The following ZFP69 variants were observed in gnomAD, a reference collection of about 807,000 sequenced individuals.
The protein encoded by ZFP69 is ZFP69 zinc finger protein.
A neutral mutation model predicts 48.9 loss-of-function variants in ZFP69; 35 were observed. That is an observed-to-expected ratio of 0.72 (90% CI 0.55 to 0.95). The LOEUF (loss-of-function observed/expected upper bound fraction) is 0.95. Ranked by LOEUF, ZFP69 falls within the 40% of genes least tolerant of loss-of-function variation. The pLI is 0.00. For synonymous variants in ZFP69, 193 were observed against 216.8 expected (o/e 0.89, Z 0.96); for missense variants, 557 against 638.4 (o/e 0.87, Z 1.37).
At chr1:40,489,719 A>AT in intron 5 of ZFP69, 95 bp downstream of exon 5, 1 of 865,938 alleles carries the variant, frequency 1.2e-6, no homozygotes, top group Non-Finnish European at 1.8e-6. Context: ...TTGGCTAATG[A>AT]TTCTGCAGGC....
At position 40,495,803 on chromosome 1, in the gene ZFP69, A is replaced by C; in HGVS notation, c.1325A>C (p.Lys442Thr). The change falls in exon 6 of 6, where the codon AAA becomes ACA. Residue 442 changes from lysine (K) to threonine (T), a missense_variant. Coordinates refer to ENST00000372706, the MANE Select transcript of ZFP69 (RefSeq NM_001320179.2). ...IHTGERPYKC[K>T]ECGKAFRQRI... Reference sequence around the variant, plus strand: ...ACTGGGGAGAGACCCTACAAATGTAAAGAATGTGGAAAAGCCTTTAGGCAG... The same window carrying C: ...ACTGGGGAGAGACCCTACAAATGTACAGAATGTGGAAAAGCCTTTAGGCAG... The C allele has an allele frequency of 6.2e-7, 1 of 1,614,240 alleles. No homozygotes were observed. The highest frequency in any genetic ancestry group is 8.5e-7 in the Non-Finnish European group (1 of 1,180,038).
chr1:40,479,269 A>G lies in ZFP69; in HGVS notation c.-93A>G, dbSNP rs1280786269. The G allele has an allele frequency of 1.3e-6, 2 of 1,575,724 alleles. No homozygotes were observed. Among genetic ancestry groups the G allele is most frequent in the Non-Finnish European group, 1.7e-6 (2 of 1,153,374 alleles). ...AGAGTCCTGAGGGCAGGTGATTGGA[A>G]TCTGAGCAACACCCCACAACTGTGA... On this transcript the variant is annotated 5_prime_UTR_variant, in exon 2 of 6. Coordinates refer to ENST00000372706, the MANE Select transcript of ZFP69 (RefSeq NM_001320179.2).
intron 4 of ZFP69, 110 bp from the exon 5 acceptor site, chr1:40,489,419 C>G: frequency 8.7e-7 from 1 of 1,146,426 alleles, no homozygotes; most frequent in Non-Finnish European, 1.3e-6. Context: ...TAGAAAGACC[C>G]ACCCCTTTCC....
intron 2 of ZFP69, among the ~76,000 whole-genome samples, chr1:40,479,733 T>C (rs570619852): frequency 6.6e-4 from 101 of 152,284 alleles, no homozygotes; most frequent in African/African-American, 2.3e-3. Flanking sequence ...GAAGACAGAA[T>C]ACAAGGTGTT....
intron 3 of ZFP69, among the ~76,000 whole-genome samples, chr1:40,486,201 C>T (rs1645494810): frequency 6.6e-6 from 1 of 152,126 alleles, no homozygotes; most frequent in Non-Finnish European, 1.5e-5. Flanking sequence ...GCTGGGATTA[C>T]AGGCATGAGC....
At chr1:40,486,390 C>T (rs1051859319) in intron 3 of ZFP69, among the ~76,000 whole-genome samples, 9 of 150,784 alleles carry the variant, frequency 6.0e-5, no homozygotes, top group African/African-American at 9.7e-5. Context: ...GCTTCCCTTC[C>T]TCCCTTCCTC....
Position 40,495,527 on chromosome 1 carries a change from C to T in ZFP69, c.1049C>T (p.Thr350Ile), listed in dbSNP as rs745417353. 13 of 1,614,050 alleles carry T rather than the reference C, an allele frequency of 8.1e-6. No homozygotes were observed. Among genetic ancestry groups the T allele is most frequent in the Non-Finnish European group, 1.1e-5 (13 of 1,180,030 alleles). ...SSLNQHHRTHTGEKPYVCDKC... is the reference protein window; with the variant it reads ...SSLNQHHRTHIGEKPYVCDKC... ...CTTAATCAGCATCATAGAACTCACA[C>T]TGGGGAGAAACCCTATGTATGTGAT... The change falls in exon 6 of 6, where the codon ACT becomes ATT. Residue 350 changes from threonine (T) to isoleucine (I), a missense_variant. Physicochemically the swap from Thr to Ile is moderately conservative, Grantham distance 89. Coordinates refer to ENST00000372706, the MANE Select transcript of ZFP69 (RefSeq NM_001320179.2).
At chr1:40,494,255 AATTTTTTTTTTT>A (rs1645599260) in intron 5 of ZFP69, among the ~76,000 whole-genome samples, 2 of 123,856 alleles carry the variant, frequency 1.6e-5, no homozygotes, top group African/African-American at 3.2e-5. Context: ...AAAGATTCAA[AATTTTTTTTTTT>A]TTTTTTTTTT....
rs1473335444 is a variant in ZFP69 at position 40,477,747 on chromosome 1, T to G, written c.-474T>G. ...GGAGAATGATTGCGTTGAGTGGAGA[T>G]GTGGTCTGTCTATAAAAGGCCGGGA... On this transcript the variant is annotated 5_prime_UTR_variant, in exon 1 of 6. It removes an upstream start codon present in the reference 5' UTR. Coordinates refer to ENST00000372706, the MANE Select transcript of ZFP69 (RefSeq NM_001320179.2). The surrounding 1 kb of genome is among the most constrained non-coding windows in gnomAD (Gnocchi z 4.0). 1 of 151,532 alleles carries G rather than the reference T, an allele frequency of 6.6e-6. No homozygotes were observed. The highest frequency in any genetic ancestry group is 1.5e-5 in the Non-Finnish European group (1 of 67,826). 9.4% of individuals were successfully genotyped at this position (151,532 alleles called of 1,614,324 possible). A position where few individuals can be genotyped will look rare whatever the true frequency, so the allele number is the denominator to read the frequency against.
At chr1:40,493,293 T>C (rs923347865) in intron 5 of ZFP69, 1 of 152,196 alleles carries the variant, frequency 6.6e-6, no homozygotes, top group African/African-American at 2.4e-5. Context: ...ATTGACCTTT[T>C]ATACAGCCAC....
chr1:40,483,113 G>A (rs1383055428), intron 3 of ZFP69, among the ~76,000 whole-genome samples: 2 of 151,960 alleles, frequency 1.3e-5, no homozygotes, highest in Non-Finnish European at 2.9e-5. Context: ...TGGGGGTGGA[G>A]TGGAATACCG....
At chr1:40,483,539 T>A (rs1305639730) in intron 3 of ZFP69, among the ~76,000 whole-genome samples, 1 of 152,144 alleles carries the variant, frequency 6.6e-6, no homozygotes, top group Non-Finnish European at 1.5e-5. Context: ...AACTGTACAC[T>A]TTCTTAGTGT....
intron 5 of ZFP69, 38 bp from the exon 6 acceptor site, chr1:40,494,883 A>G: frequency 6.5e-7 from 1 of 1,548,652 alleles, no homozygotes; most frequent in Non-Finnish European, 8.8e-7. Context: ...TAACCACTAC[A>G]GTAATTGGTT....
chr1:40,495,765 C>G lies in ZFP69; in HGVS notation c.1287C>G (p.His429Gln). ...GTCATAGAGCGTATCTAACACATCA[C>G]CAGAGAATCCATACTGGGGAGAGAC... ...TFSHRAYLTH[H>Q]QRIHTGERPY... Residue 429 changes from histidine to glutamine, a missense_variant, in exon 6 of 6, where the codon CAC (histidine) becomes CAG (glutamine). Transcript: ENST00000372706. 6.2e-7 allele frequency: 1 copy of G among 1,614,168 alleles called. No individual in the cohort carries two copies. Among genetic ancestry groups the G allele is most frequent in the Admixed American group, 1.7e-5 (1 of 60,018 alleles).
At chr1:40,484,668 C>T (rs368500905) in intron 3 of ZFP69, among the ~76,000 whole-genome samples, 5 of 151,428 alleles carry the variant, frequency 3.3e-5, no homozygotes, top group South Asian at 2.1e-4. Flanking sequence ...GCAACCTCTA[C>T]GTCCTGGGTT....
At chr1:40,480,819 A>G (rs1484537736) in intron 2 of ZFP69, among the ~76,000 whole-genome samples, 2 of 152,208 alleles carry the variant, frequency 1.3e-5, no homozygotes, top group Non-Finnish European at 2.9e-5. Flanking sequence ...TTTAATCATA[A>G]TGTGTGCAAA....
intron 2 of ZFP69, among the ~76,000 whole-genome samples, chr1:40,479,728 C>A (rs1291734364): frequency 6.6e-6 from 1 of 152,172 alleles, no homozygotes; most frequent in African/African-American, 2.4e-5. Flanking sequence ...AGCAGGAAGA[C>A]AGAATACAAG....
chr1:40,491,253 T>C (rs1174464838), intron 5 of ZFP69: 1 of 152,228 alleles, frequency 6.6e-6, no homozygotes, highest in Non-Finnish European at 1.5e-5. Context: ...AATGTTCTTA[T>C]TCATTTTCCT....
At chr1:40,494,836 T>A (rs1420143489) in intron 5 of ZFP69, 85 bp from the exon 6 acceptor site, 3 of 1,192,846 alleles carry the variant, frequency 2.5e-6, no homozygotes, top group Non-Finnish European at 2.3e-6. Flanking sequence ...CAAAATCTCA[T>A]GCACTTATCC....
Sources: gnomAD v4.1 joint callset for allele counts (sites outside exome capture counted in the v4.1 genomes callset) on GRCh38, gnomAD v4.1.1 for gene constraint, Gnocchi (gnomAD v3.1) non-coding constraint, MANE v1.5 for transcripts, NCBI Gene and HGNC (gene_info 2026-07-23, HGNC 2026-07-21) for gene names.